The following MAST4 variants were observed in gnomAD, a reference collection of about 807,000 sequenced individuals.
MAST4 encodes microtubule-associated serine/threonine-protein kinase 4.
MAST4 carries 89 observed loss-of-function variants against 162.7 expected under a neutral mutation model. The observed-to-expected ratio is 0.55, with a 90% CI of 0.46 to 0.65. The LOEUF is 0.65. MAST4 is among the 30% of genes least tolerant of loss of function. MAST4 has a pLI of 0.00. For missense variants in MAST4, 3,153 were observed against 3,374.0 expected (o/e 0.93, Z 1.62); for synonymous variants, 1,479 against 1,361.1 (o/e 1.09, Z -1.91).
intron 4 of MAST4, among the ~76,000 whole-genome samples, chr5:67,012,559 G>C (rs1462552014): frequency 6.6e-6 from 1 of 151,992 alleles, no homozygotes; most frequent in African/African-American, 2.4e-5. Context: ...AATGGTCCTG[G>C]GGCTACCTAG....
At chr5:66,670,897 G>A (rs760017322) in intron 1 of MAST4, among the ~76,000 whole-genome samples, 6 of 151,950 alleles carry the variant, frequency 3.9e-5, no homozygotes, top group East Asian at 3.9e-4. Context: ...ATTATTAATC[G>A]CGCCCTTTCG....
intron 2 of MAST4, among the ~76,000 whole-genome samples, chr5:66,782,669 C>G (rs1216665740): frequency 6.6e-6 from 1 of 152,150 alleles, no homozygotes; most frequent in Non-Finnish European, 1.5e-5. Flanking sequence ...AAACATTTTT[C>G]CAAAGAACAC....
At chr5:67,013,999 G>A (rs1004168156) in intron 4 of MAST4, among the ~76,000 whole-genome samples, 1 of 152,036 alleles carries the variant, frequency 6.6e-6, no homozygotes, top group Non-Finnish European at 1.5e-5. Context: ...CTTTCACTTG[G>A]CTAATCTCAA....
chr5:66,916,585 C>G lies in MAST4; in HGVS notation c.674+16603C>G, dbSNP rs1399101286. Among the ~76,000 whole-genome samples, 12 of 152,294 alleles carry G rather than the reference C, an allele frequency of 7.9e-5. No individual in the cohort carries two copies. The East Asian group carries it at 2.3e-3, about 29-fold the overall frequency. ...GATCTCCATCCCTTCCAATCCCTGT[C>G]TCTATCCACAACCTTAGGTAGTCAT... On this transcript the variant is annotated intron_variant, in intron 4 of 28. Coordinates refer to ENST00000403625, the MANE Select transcript of MAST4 (RefSeq NM_001164664.2).
At chr5:66,608,714 T>C (rs772429747) in intron 1 of MAST4, among the ~76,000 whole-genome samples, 12 of 151,052 alleles carry the variant, frequency 7.9e-5, no homozygotes, top group Non-Finnish European at 1.8e-4. Context: ...GCTTTTGAAA[T>C]ACTTACATTC....
intron 16 of MAST4, among the ~76,000 whole-genome samples, chr5:67,133,142 A>C (rs1232987718): frequency 6.6e-6 from 1 of 152,006 alleles, no homozygotes; most frequent in African/African-American, 2.4e-5. Flanking sequence ...TTGAATCACA[A>C]ATGGGTTGCT....
chr5:66,811,242 C>G (rs1756461079), intron 3 of MAST4, among the ~76,000 whole-genome samples: 1 of 152,172 alleles, frequency 6.6e-6, no homozygotes, highest in Admixed American at 6.5e-5. Flanking sequence ...TGGCTGTGGC[C>G]AGGAATAAAC....
chr5:66,596,829 C>T lies in MAST4; in HGVS notation c.174C>T (p.Ser58=). 7.6e-7 allele frequency: 1 copy of T among 1,313,220 alleles called. No individual in the cohort carries two copies. Among genetic ancestry groups the T allele is most frequent in the South Asian group, 2.5e-5 (1 of 39,940 alleles). 81.3% of individuals were successfully genotyped at this position (1,313,220 alleles called of 1,614,324 possible). Residue 58 remains serine (S), a synonymous_variant, in exon 1 of 29, where the codon TCC becomes TCT. Transcript: ENST00000403625. ...LSEEGEPGGF[S]REHQPPPPPP... ...AGGAAGGGGAGCCCGGCGGCTTCTCCAGAGAGCATCAGCCGCCGCCGCCGC... is the reference window on the plus strand; with the variant it reads ...AGGAAGGGGAGCCCGGCGGCTTCTCTAGAGAGCATCAGCCGCCGCCGCCGC...
chr5:66,744,951 T>C (rs1752667356), intron 1 of MAST4, among the ~76,000 whole-genome samples: 1 of 152,154 alleles, frequency 6.6e-6, no homozygotes, highest in African/African-American at 2.4e-5. Flanking sequence ...CAATTGATTG[T>C]TTTCCTTTAT....
chr5:66,693,666 T>TAA (rs57297739), intron 1 of MAST4, among the ~76,000 whole-genome samples: 5 of 47,628 alleles, frequency 1.0e-4, no homozygotes, highest in African/African-American at 1.3e-4. Context: ...GATTATTAAA[T>TAA]AGTGCTAGAT....
intron 1 of MAST4, among the ~76,000 whole-genome samples, chr5:66,652,976 C>T (rs180971439): frequency 5.3e-5 from 8 of 152,230 alleles, no homozygotes; most frequent in South Asian, 2.1e-4. Flanking sequence ...AGGCCCCACG[C>T]GGTTCTGTCT....
chr5:67,065,711 G>GT (rs1253739090), intron 5 of MAST4, among the ~76,000 whole-genome samples: 9 of 152,178 alleles, frequency 5.9e-5, no homozygotes, highest in Admixed American at 5.9e-4. Context: ...TAAATATCAT[G>GT]TACAGGAATG....
chr5:66,603,909 G>A (rs1742709566), intron 1 of MAST4, among the ~76,000 whole-genome samples: 1 of 152,168 alleles, frequency 6.6e-6, no homozygotes, highest in Non-Finnish European at 1.5e-5. Context: ...CTTATTTGAT[G>A]ATGTTATTTT....
At chr5:67,145,492 A>C in intron 23 of MAST4, 113 bp downstream of exon 23, 1 of 795,982 alleles carries the variant, frequency 1.3e-6, no homozygotes, top group Admixed American at 2.7e-5. Context: ...TTATGCTGCT[A>C]GACTTTCTCC....
At chr5:66,664,159 G>C (rs10061848) in intron 1 of MAST4, among the ~76,000 whole-genome samples, 74,825 of 151,840 alleles carry the variant, frequency 0.49, 18,937 homozygotes, top group South Asian at 0.64. Flanking sequence ...TTTGAGGCTG[G>C]GTGTGGTGGC....
At chr5:67,059,910 G>A (rs1759338221) in intron 5 of MAST4, among the ~76,000 whole-genome samples, 1 of 151,972 alleles carries the variant, frequency 6.6e-6, no homozygotes, top group Non-Finnish European at 1.5e-5. Context: ...TGGGGTTTGG[G>A]CAACAAAACA....
Position 66,818,335 on chromosome 5 carries a change from A to G in MAST4, c.642+29541A>G, listed in dbSNP as rs111874405. Among the ~76,000 whole-genome samples, 77 of 152,274 alleles carry G rather than the reference A, an allele frequency of 5.1e-4. 2 individuals are homozygous for G. The highest frequency in any genetic ancestry group is 1.8e-3 in the African/African-American group (75 of 41,552). On this transcript the variant is annotated intron_variant, in intron 3 of 28. Coordinates refer to ENST00000403625, the MANE Select transcript of MAST4 (RefSeq NM_001164664.2). Reference sequence around the variant, plus strand: ...GTCTTAGGGAAGAGCCATGGACTCAATGTATACCTTGACCCCAAGAATCAC... The same window carrying G: ...GTCTTAGGGAAGAGCCATGGACTCAGTGTATACCTTGACCCCAAGAATCAC...
chr5:66,785,735 A>T (rs1755083226), intron 2 of MAST4, among the ~76,000 whole-genome samples: 1 of 152,244 alleles, frequency 6.6e-6, no homozygotes, highest in Admixed American at 6.5e-5. Context: ...TTCAGTCAAC[A>T]AACATTTATT....
intron 4 of MAST4, among the ~76,000 whole-genome samples, chr5:66,967,698 A>AG (rs1347673506): frequency 1.3e-5 from 2 of 151,740 alleles, no homozygotes; most frequent in African/African-American, 4.8e-5. Context: ...AAAAAAAAAA[A>AG]AAAGAAAAAC....
Sources: gnomAD v4.1 joint callset for allele counts (sites outside exome capture counted in the v4.1 genomes callset) on GRCh38, gnomAD v4.1.1 for gene constraint, MANE v1.5 for transcripts, NCBI Gene and HGNC (gene_info 2026-07-23, HGNC 2026-07-21) for gene names.